The following CEP128 variants were observed in gnomAD, a reference collection of about 807,000 sequenced individuals.
The protein encoded by CEP128 is centrosomal protein 128kDa.
CEP128 carries 132 observed loss-of-function variants against 156.7 expected under a neutral mutation model. The observed-to-expected ratio is 0.84, with a 90% CI of 0.73 to 0.97. The LOEUF is 0.97. Among genes scored for constraint, CEP128 ranks in the 50% least tolerant of loss-of-function variants. The probability of loss-of-function intolerance (pLI) is 0.00; values close to 1 mark genes in which losing one functional copy is unlikely to be tolerated. For synonymous variants in CEP128, 469 were observed against 448.9 expected (o/e 1.04, Z -0.57); for missense variants, 1,252 against 1,281.9 (o/e 0.98, Z 0.36).
At chr14:80,524,591 A>G (rs999451846) in intron 23 of CEP128, among the ~76,000 whole-genome samples, 1 of 152,204 alleles carries the variant, frequency 6.6e-6, no homozygotes, top group Admixed American at 6.5e-5. Flanking sequence ...TGAAAGGAAT[A>G]TGAGAAAACG....
intron 19 of CEP128, among the ~76,000 whole-genome samples, chr14:80,697,724 T>C (rs1566863130): frequency 6.6e-6 from 1 of 152,038 alleles, no homozygotes; most frequent in Non-Finnish European, 1.5e-5. Context: ...ATATGTTAAA[T>C]CAGATTTTGT....
chr14:80,671,869 G>A (rs1371929911), intron 19 of CEP128, among the ~76,000 whole-genome samples: 4 of 150,952 alleles, frequency 2.6e-5, no homozygotes, highest in African/African-American at 7.3e-5. Context: ...TTTTGTGTAT[G>A]GGGGGGTGGG....
chr14:80,538,773 T>A (rs950229843), intron 21 of CEP128, among the ~76,000 whole-genome samples: 3 of 152,166 alleles, frequency 2.0e-5, no homozygotes, highest in African/African-American at 7.2e-5. Flanking sequence ...TGGTTAACTT[T>A]TACTTTCTTT....
chr14:80,669,347 A>G (rs1895749467), intron 19 of CEP128, among the ~76,000 whole-genome samples: 3 of 152,364 alleles, frequency 2.0e-5, no homozygotes, highest in South Asian at 2.1e-4. Context: ...TCTGTACAGC[A>G]TAAGAAAAAT....
intron 13 of CEP128, among the ~76,000 whole-genome samples, chr14:80,829,720 T>G (rs1885680331): frequency 6.6e-6 from 1 of 152,164 alleles, no homozygotes; most frequent in South Asian, 2.1e-4. Context: ...CCTCCAATTG[T>G]TTTTCACACC....
At chr14:80,762,843 C>T (rs1900038688) in intron 16 of CEP128, among the ~76,000 whole-genome samples, 2 of 152,142 alleles carry the variant, frequency 1.3e-5, no homozygotes, top group South Asian at 4.1e-4. Context: ...CATCTTAGTC[C>T]ATCATCTGGG....
At chr14:80,505,131 T>C (rs552751330) in intron 23 of CEP128, 111 bp from the exon 24 acceptor site, 143 of 394,600 alleles carry the variant, frequency 3.6e-4, no homozygotes, top group Non-Finnish European at 6.1e-4. Flanking sequence ...ATGTTGTACA[T>C]GCACAATTTA....
chr14:80,710,362 A>G (rs1566870422), intron 19 of CEP128, among the ~76,000 whole-genome samples: 1 of 152,070 alleles, frequency 6.6e-6, no homozygotes, highest in Non-Finnish European at 1.5e-5. Flanking sequence ...TTCAGATTTA[A>G]CTCTTGAAAA....
chr14:80,601,975 G>A (rs945424403), intron 19 of CEP128, among the ~76,000 whole-genome samples: 1 of 152,096 alleles, frequency 6.6e-6, no homozygotes, highest in South Asian at 2.1e-4. Context: ...ATCTATAAGA[G>A]AAATAGTTTA....
At chr14:80,923,355 T>C (rs1884979763) in intron 2 of CEP128, among the ~76,000 whole-genome samples, 1 of 152,222 alleles carries the variant, frequency 6.6e-6, no homozygotes, top group African/African-American at 2.4e-5. Context: ...GGATTGGCAA[T>C]GAGCCTTTAC....
chr14:80,823,621 C>A (rs1321736200), intron 13 of CEP128, among the ~76,000 whole-genome samples: 4 of 150,946 alleles, frequency 2.6e-5, no homozygotes, highest in African/African-American at 9.8e-5. Flanking sequence ...AAAAAAAAAA[C>A]TCCAAAATGA....
At chr14:80,482,090 C>CA (rs1887065440) in intron 14 of CEP128, among the ~76,000 whole-genome samples, 2 of 152,012 alleles carry the variant, frequency 1.3e-5, no homozygotes, top group Non-Finnish European at 2.9e-5. Context: ...TTTATGAAGA[C>CA]AGGAGTTAAG....
At chr14:80,781,715 A>G (rs1901130627) in intron 15 of CEP128, among the ~76,000 whole-genome samples, 1 of 152,210 alleles carries the variant, frequency 6.6e-6, no homozygotes, top group Non-Finnish European at 1.5e-5. Flanking sequence ...CTACATTGCA[A>G]GTTAGCAGTC....
At chr14:80,594,231 C>G (rs960923308) in intron 19 of CEP128, among the ~76,000 whole-genome samples, 1 of 152,188 alleles carries the variant, frequency 6.6e-6, no homozygotes, top group South Asian at 2.1e-4. Flanking sequence ...AAAGGATTCC[C>G]TATTTAATAA....
chr14:80,495,581 T>C (rs1887465854), downstream of CEP128, among the ~76,000 whole-genome samples: 1 of 151,626 alleles, frequency 6.6e-6, no homozygotes, highest in Non-Finnish European at 1.5e-5. Context: ...CAGTCTGTTA[T>C]AAAATCACTG....
intron 16 of CEP128, among the ~76,000 whole-genome samples, chr14:80,770,643 G>T (rs1434321879): frequency 6.6e-6 from 1 of 152,062 alleles, no homozygotes; most frequent in Non-Finnish European, 1.5e-5. Flanking sequence ...TTTTTATTAA[G>T]AAGATGGGAA....
In CEP128 at chr14:80,761,417, C is replaced by T; in HGVS notation, c.2553+20G>A. On this transcript the variant is annotated intron_variant, in intron 17 of 24. Transcript: ENST00000555265. ...GGAAACTAACTGAAAATATAAGGTG[C>T]AATGAGAATTCATAATTACTTTTAA... 1 of 1,533,882 alleles carries T rather than the reference C, an allele frequency of 6.5e-7. No individual in the cohort carries two copies. Among genetic ancestry groups the T allele is most frequent in the Non-Finnish European group, 8.9e-7 (1 of 1,121,002 alleles).
At chr14:80,941,506 G>A in intron 1 of CEP128, 75 bp downstream of exon 1, 1 of 152,700 alleles carries the variant, frequency 6.5e-6, no homozygotes, top group Non-Finnish European at 1.5e-5. Flanking sequence ...GGGACGAGGG[G>A]AAGTGGGACT....
At chr14:80,598,214 A>T (rs1426803535) in intron 19 of CEP128, among the ~76,000 whole-genome samples, 5 of 152,064 alleles carry the variant, frequency 3.3e-5, no homozygotes. Flanking sequence ...TCTACAAAAC[A>T]AAACAACAAT....
Sources: allele counts gnomAD v4.1 joint callset (sites outside exome capture counted in the v4.1 genomes callset), GRCh38; gene constraint gnomAD v4.1.1; transcripts MANE v1.5; gene names NCBI Gene and HGNC (gene_info 2026-07-23, HGNC 2026-07-21).